The following FA2H variants were observed in gnomAD, a reference collection of about 807,000 sequenced individuals.
FA2H encodes fatty acid 2-hydroxylase.
Under a neutral mutation model 44.9 loss-of-function variants are expected in FA2H, and 22 were observed. That is an observed-to-expected ratio of 0.49 (90% CI 0.35 to 0.70). The LOEUF is 0.70. Among genes scored for constraint, FA2H ranks in the 30% least tolerant of loss-of-function variants. FA2H has a pLI of 0.01. For synonymous variants in FA2H, 243 were observed against 213.2 expected (o/e 1.14, Z -1.22); for missense variants, 501 against 504.9 (o/e 0.99, Z 0.07).
intron 1 of FA2H, among the ~76,000 whole-genome samples, chr16:74,757,743 G>A (rs373267480): frequency 6.6e-5 from 10 of 152,312 alleles, no homozygotes; most frequent in African/African-American, 1.9e-4. Flanking sequence ...GTGGCTGGGC[G>A]TCGTGGCACA....
intron 1 of FA2H, among the ~76,000 whole-genome samples, chr16:74,744,605 T>C (rs951537149): frequency 6.6e-6 from 1 of 151,792 alleles, no homozygotes; most frequent in Non-Finnish European, 1.5e-5. Flanking sequence ...GTGTTCACCA[T>C]CATGCCCAGC....
intron 1 of FA2H, among the ~76,000 whole-genome samples, chr16:74,755,675 C>T (rs1241573605): frequency 6.6e-6 from 1 of 152,180 alleles, no homozygotes; most frequent in East Asian, 1.9e-4. Flanking sequence ...GGGAGAATCT[C>T]ACCAGGAGCA....
intron 1 of FA2H, among the ~76,000 whole-genome samples, chr16:74,745,947 A>G (rs951087411): frequency 1.3e-5 from 2 of 152,062 alleles, no homozygotes; most frequent in African/African-American, 4.8e-5. Flanking sequence ...TTGGGACTAC[A>G]GGCATGCACC....
At chr16:74,739,795 A>C (rs1050906650) in intron 2 of FA2H, among the ~76,000 whole-genome samples, 1 of 151,978 alleles carries the variant, frequency 6.6e-6, no homozygotes, top group African/African-American at 2.4e-5. Flanking sequence ...CCATGCTCAG[A>C]ACTTGTCTGC....
intron 2 of FA2H, among the ~76,000 whole-genome samples, chr16:74,735,834 T>G (rs1962169472): frequency 6.6e-6 from 1 of 151,960 alleles, no homozygotes; most frequent in South Asian, 2.1e-4. Context: ...TTTAAGAAAA[T>G]TAGCCAGGCA....
intron 5 of FA2H, 103 bp from the exon 6 acceptor site, chr16:74,716,702 C>T: frequency 7.5e-7 from 1 of 1,339,276 alleles, no homozygotes; most frequent in Non-Finnish European, 1.0e-6. Context: ...GCGGCCCAGA[C>T]ATTCCACTGC....
chr16:74,737,009 G>A (rs1004534810), intron 2 of FA2H, among the ~76,000 whole-genome samples: 1 of 152,198 alleles, frequency 6.6e-6, no homozygotes, highest in African/African-American at 2.4e-5. Flanking sequence ...TACATTGAAA[G>A]CGGCTGGCAC....
chr16:74,723,683 G>C (rs955425913), intron 4 of FA2H, among the ~76,000 whole-genome samples: 1 of 152,108 alleles, frequency 6.6e-6, no homozygotes, highest in African/African-American at 2.4e-5. Context: ...GAGAAACCCT[G>C]ATACCTCTGG....
At chr16:74,763,928 G>A (rs1010044164) in intron 1 of FA2H, among the ~76,000 whole-genome samples, 2 of 152,168 alleles carry the variant, frequency 1.3e-5, no homozygotes, top group African/African-American at 2.4e-5. Context: ...TGCTTGCCTG[G>A]TATTGCTGTT....
At chr16:74,734,429 C>T (rs1479340549) in intron 2 of FA2H, among the ~76,000 whole-genome samples, 2 of 152,256 alleles carry the variant, frequency 1.3e-5, no homozygotes, top group Admixed American at 1.3e-4. Flanking sequence ...ACCCGACCAA[C>T]GGGCCGGGGC....
intron 1 of FA2H, among the ~76,000 whole-genome samples, chr16:74,770,159 C>G (rs1962880476): frequency 6.6e-6 from 1 of 152,236 alleles, no homozygotes; most frequent in South Asian, 2.1e-4. Flanking sequence ...CCTTCCCCAG[C>G]AAAAGCCTCC....
intron 4 of FA2H, among the ~76,000 whole-genome samples, chr16:74,725,330 C>G (rs1035811679): frequency 6.6e-6 from 1 of 152,194 alleles, no homozygotes; most frequent in Non-Finnish European, 1.5e-5. Context: ...GCTCAGGAAG[C>G]TCAGAGCCAG....
At chr16:74,714,563 C>T (rs1961652769) in intron 6 of FA2H, among the ~76,000 whole-genome samples, 1 of 151,588 alleles carries the variant, frequency 6.6e-6, no homozygotes, top group African/African-American at 2.4e-5. Flanking sequence ...CCTTGGGGCC[C>T]AAGTTCATTC....
chr16:74,742,479 G>C (rs996075960), intron 1 of FA2H, among the ~76,000 whole-genome samples: 1 of 152,214 alleles, frequency 6.6e-6, no homozygotes. Context: ...GGACAGGCAC[G>C]AGCAGAATGA....
chr16:74,774,633 CCG>C lies in FA2H; in HGVS notation c.121_122del (p.Arg41AlafsTer60). ...ARLYDLSSFVRHHPGGEQLLR... is the reference protein window; with the variant it reads ...ARLYDLSSFVXHHPGGEQLLR... ...GCAGCTGCTCGCCCCCCGGGTGGTG[CCG>C]CACGAAGCTGGAGAGGTCGTAGAGG... On this transcript the variant is annotated frameshift_variant, in exon 1 of 7. Coordinates refer to ENST00000219368, the MANE Select transcript of FA2H (RefSeq NM_024306.5). LOFTEE classifies it high-confidence loss of function. The C allele has an allele frequency of 6.6e-7, 1 of 1,513,668 alleles. No homozygotes were observed. Among genetic ancestry groups the C allele is most frequent in the South Asian group, 1.2e-5 (1 of 81,024 alleles). 93.8% of individuals were successfully genotyped at this position (1,513,668 alleles called of 1,614,324 possible). A position where few individuals can be genotyped will look rare whatever the true frequency, so the allele number is the denominator to read the frequency against.
intron 4 of FA2H, among the ~76,000 whole-genome samples, chr16:74,719,641 G>A (rs1389662662): frequency 1.3e-5 from 2 of 152,162 alleles, no homozygotes; most frequent in East Asian, 1.9e-4. Flanking sequence ...GGGCTCAAGC[G>A]ATCCTTCCAC....
chr16:74,766,978 G>C (rs184647411), intron 1 of FA2H, among the ~76,000 whole-genome samples: 1 of 151,844 alleles, frequency 6.6e-6, no homozygotes, highest in Non-Finnish European at 1.5e-5. Context: ...TCTAGGTCTC[G>C]ATCTGGGTGG....
chr16:74,726,228 T>A lies in FA2H; in HGVS notation c.610A>T (p.Thr204Ser). 1 of 1,609,062 alleles carries A rather than the reference T, an allele frequency of 6.2e-7. No homozygotes were observed. The highest frequency in any genetic ancestry group is 8.5e-7 in the Non-Finnish European group (1 of 1,175,588). ...GNVRLFTSFT[T>S]EYTVAVPKSM... is the part of the protein sequence containing the mutation. Reference sequence around the variant, plus strand: ...TCAGGAAAGAAACTGGCATTACCTGTTGTAAATGACGTGAAGAGTCGGACG... The same window carrying A: ...TCAGGAAAGAAACTGGCATTACCTGATGTAAATGACGTGAAGAGTCGGACG... Residue 204 changes from threonine to serine, a missense_variant, in exon 4 of 7, where the codon ACA becomes TCA. Transcript: ENST00000219368.
chr16:74,763,656 C>T (rs546090768), intron 1 of FA2H, among the ~76,000 whole-genome samples: 20 of 152,314 alleles, frequency 1.3e-4, no homozygotes, highest in Admixed American at 8.5e-4. Flanking sequence ...TGCTAAGCAA[C>T]ACTGGAAAGG....
Sources: gnomAD v4.1 joint callset for allele counts (sites outside exome capture counted in the v4.1 genomes callset) on GRCh38, gnomAD v4.1.1 for gene constraint, MANE v1.5 for transcripts, NCBI Gene and HGNC (gene_info 2026-07-23, HGNC 2026-07-21) for gene names.